Variants in PITPNM3 observed in about 807,000 individuals in gnomAD.
PITPNM3 encodes PITPNM family member 3.
A neutral mutation model predicts 102.0 loss-of-function variants in PITPNM3; 26 were observed. The ratio of observed to expected loss-of-function variants is 0.25; its 90% CI spans 0.19 to 0.35. The LOEUF (loss-of-function observed/expected upper bound fraction) is 0.35. PITPNM3 is among the 10% of genes least tolerant of loss of function. PITPNM3 has a pLI of 1.00. For synonymous variants in PITPNM3, 578 were observed against 558.6 expected (o/e 1.03, Z -0.49); for missense variants, 1,083 against 1,346.1 (o/e 0.80, Z 3.06).
intron 4 of PITPNM3, among the ~76,000 whole-genome samples, chr17:6,496,918 A>T (rs993894693): frequency 6.6e-6 from 1 of 152,166 alleles, no homozygotes; most frequent in Non-Finnish European, 1.5e-5. Flanking sequence ...GCTAATGCAC[A>T]TCCTCATGAA....
chr17:6,454,252 T>A lies in PITPNM3; in HGVS notation c.*1086A>T, dbSNP rs564527328. The A allele has an allele frequency of 6.6e-6, 1 of 152,266 alleles. No individual in the cohort carries two copies. Among genetic ancestry groups the A allele is most frequent in the South Asian group, 2.1e-4 (1 of 4,820 alleles). 9.4% of individuals were successfully genotyped at this position (152,266 alleles called of 1,614,324 possible). A position where few individuals can be genotyped will look rare whatever the true frequency, so the allele number is the denominator to read the frequency against. On this transcript the variant is annotated 3_prime_UTR_variant, in exon 20 of 20. Transcript: ENST00000262483. Reference sequence around the variant, plus strand: ...TGGGTTGTCCCTAGGACACCCAGTTTGAGTGGGTTGTCCCTGGGACACGCA... The same window carrying A: ...TGGGTTGTCCCTAGGACACCCAGTTAGAGTGGGTTGTCCCTGGGACACGCA...
Position 6,472,911 on chromosome 17 carries a change from G to A in PITPNM3, c.1259-84C>T. On this transcript the variant is annotated intron_variant, in intron 10 of 19. Transcript: ENST00000262483. The surrounding 1 kb of genome is among the most constrained non-coding windows in gnomAD (Gnocchi z 4.1). ...AGGAGGCTCCCTGGAATGCAGCCTGGAGTAGCCTACTCCCCTCTCAAGAGC... is the reference window on the plus strand; with the variant it reads ...AGGAGGCTCCCTGGAATGCAGCCTGAAGTAGCCTACTCCCCTCTCAAGAGC... The A allele has an allele frequency of 6.6e-7, 1 of 1,507,912 alleles. No individual in the cohort carries two copies. Among genetic ancestry groups the A allele is most frequent in the South Asian group, 1.2e-5 (1 of 85,070 alleles). 93.4% of individuals were successfully genotyped at this position (1,507,912 alleles called of 1,614,324 possible).
At position 6,457,479 on chromosome 17, in the gene PITPNM3, T is replaced by G; in HGVS notation, c.2619+115A>C. On this transcript the variant is annotated intron_variant, in intron 19 of 19. Coordinates refer to ENST00000262483, the MANE Select transcript of PITPNM3 (RefSeq NM_031220.4). This position sits in a 1 kb window ranked among gnomAD's most constrained non-coding sequence, Gnocchi z 4.7. ...CCGAAGTGTTTGTTGAATAAATGAA[T>G]GAGCAAATGGGGGAATGAACAAATG... 1 of 1,523,306 alleles carries G rather than the reference T, an allele frequency of 6.6e-7. No homozygotes were observed. The highest frequency in any genetic ancestry group is 1.2e-5 in the South Asian group (1 of 83,424). 94.4% of individuals were successfully genotyped at this position (1,523,306 alleles called of 1,614,324 possible). A position where few individuals can be genotyped will look rare whatever the true frequency, so the allele number is the denominator to read the frequency against.
Position 6,463,847 on chromosome 17 carries a change from C to A in PITPNM3, c.2191G>T (p.Val731Leu). Residue 731 changes from valine (V) to leucine (L), a missense_variant, in exon 17 of 20, where the codon GTG becomes TTG. Transcript: ENST00000262483. ...ACACACTCCATGCCCCTGGGCAACACCGTGAGGTAGCTCATGGCACAGGTC... is the reference window on the plus strand; with the variant it reads ...ACACACTCCATGCCCCTGGGCAACAACGTGAGGTAGCTCATGGCACAGGTC... ...DQTCAMSYLTVLPRGMECVVF... is the reference protein window; with the variant it reads ...DQTCAMSYLTLLPRGMECVVF... The A allele has an allele frequency of 1.2e-6, 2 of 1,614,096 alleles. No individual in the cohort carries two copies. Among genetic ancestry groups the A allele is most frequent in the Non-Finnish European group, 8.5e-7 (1 of 1,180,012 alleles).
intron 9 of PITPNM3, among the ~76,000 whole-genome samples, chr17:6,475,569 C>T (rs1905266843): frequency 6.6e-6 from 1 of 152,224 alleles, no homozygotes; most frequent in African/African-American, 2.4e-5. Context: ...TCCCTCCTGC[C>T]TCTTGCAGTG....
At chr17:6,484,524 C>G (rs770729614) in intron 4 of PITPNM3, among the ~76,000 whole-genome samples, 3 of 152,200 alleles carry the variant, frequency 2.0e-5, no homozygotes, top group Non-Finnish European at 4.4e-5. Flanking sequence ...GTGAGGCCAT[C>G]GCGGATGGTG....
rs1904345985 is a variant in PITPNM3, at chr17:6,459,400, C to G, written c.2491-1678G>C. 6.6e-6 allele frequency among the ~76,000 whole-genome samples: 1 copy of G among 151,996 alleles called. No individual in the cohort carries two copies. The highest frequency in any genetic ancestry group is 2.1e-4 in the South Asian group (1 of 4,804). ...CCTCACTCTCCTCCTGGTTCCTCAG[C>G]TGCTCCTTGTGCTGCTCTCAGTGGC... is the stretch of plus-strand genomic sequence containing the variant. On this transcript the variant is annotated intron_variant, in intron 18 of 19. Coordinates refer to ENST00000262483, the MANE Select transcript of PITPNM3 (RefSeq NM_031220.4). This position sits in a 1 kb window ranked among gnomAD's most constrained non-coding sequence, Gnocchi z 5.0.
chr17:6,500,419 G>A (rs750656963), intron 4 of PITPNM3, among the ~76,000 whole-genome samples: 5 of 152,044 alleles, frequency 3.3e-5, no homozygotes, highest in African/African-American at 7.3e-5. Context: ...ACCATCGATC[G>A]TCACCATCAT....
chr17:6,475,015 G>A (rs1905239430), intron 9 of PITPNM3, among the ~76,000 whole-genome samples: 1 of 152,168 alleles, frequency 6.6e-6, no homozygotes, highest in Non-Finnish European at 1.5e-5. Flanking sequence ...CTACACACTG[G>A]CAGGCCTGCC....
At chr17:6,461,078 A>C (rs1302165407) in intron 18 of PITPNM3, 7 of 481,560 alleles carry the variant, frequency 1.5e-5, no homozygotes, top group African/African-American at 1.4e-4. Context: ...CACAATCGGC[A>C]CTTAAATGTC....
rs192088997 is a variant in PITPNM3 at position 6,466,178 on chromosome 17, T to G, written c.1891-1407A>C. On this transcript the variant is annotated intron_variant, in intron 14 of 19. Coordinates refer to ENST00000262483, the MANE Select transcript of PITPNM3 (RefSeq NM_031220.4). Reference sequence around the variant, plus strand: ...GCTGTCCCGCCCCCCACACTGGCTCTAGGTGCCATCCCTGGCCCTGGCCCT... The same window carrying G: ...GCTGTCCCGCCCCCCACACTGGCTCGAGGTGCCATCCCTGGCCCTGGCCCT... 1.0e-3 allele frequency among the ~76,000 whole-genome samples: 158 copies of G among 152,336 alleles called. 1 individual carries two copies. The highest frequency in any genetic ancestry group is 3.3e-3 in the African/African-American group (137 of 41,580).
At chr17:6,464,446 T>A in intron 15 of PITPNM3, 128 bp from the exon 16 acceptor site, 1 of 1,143,114 alleles carries the variant, frequency 8.7e-7, no homozygotes, top group Non-Finnish European at 1.3e-6. Context: ...CCAGCCTGGC[T>A]CCTCATTTGT....
chr17:6,481,985 CCTCTCTCTCTCTCTCTCT>C lies in PITPNM3; in HGVS notation c.587+1514_587+1531del, dbSNP rs773528111. On this transcript the variant is annotated intron_variant, in intron 6 of 19. Coordinates refer to ENST00000262483, the MANE Select transcript of PITPNM3 (RefSeq NM_031220.4). Reference sequence around the variant, plus strand: ...GGCACTTAGCCCTAGGAAAACAGAACCTCTCTCTCTCTCTCTCTCTCTCTCTCTCTCTCTCTCTCTCTC... The same window carrying C: ...GGCACTTAGCCCTAGGAAAACAGAACCTCTCTCTCTCTCTCTCTCTCTCTC... 9.9e-3 allele frequency among the ~76,000 whole-genome samples: 557 copies of C among 56,144 alleles called. 11 individuals carry two copies. The highest frequency in any genetic ancestry group is 0.061 in the East Asian group (120 of 1,958). 36.8% of individuals were successfully genotyped at this position (56,144 alleles called of 152,430 possible). A position where few individuals can be genotyped will look rare whatever the true frequency, so the allele number is the denominator to read the frequency against.
chr17:6,506,665 C>T (rs371498536), intron 3 of PITPNM3, among the ~76,000 whole-genome samples: 10 of 152,288 alleles, frequency 6.6e-5, no homozygotes, highest in East Asian at 1.9e-4. Flanking sequence ...CCACCGCGCC[C>T]GGCCAGTGTT....
rs1033001982 is a variant in PITPNM3 at position 6,503,528 on chromosome 17, C to T, written c.273G>A (p.Gln91=). ...CCCACAGGGTCAGGCTTGACTCACG[C>T]TGCTTCTCCTGGAGGATGCTGGATG... ...PCTSSILQEK[Q]RELYRVSLRR... Residue 91 remains glutamine (Q), a splice_region_variant and synonymous_variant, in exon 4 of 20, where the codon CAG becomes CAA. Coordinates refer to ENST00000262483, the MANE Select transcript of PITPNM3 (RefSeq NM_031220.4). The T allele has an allele frequency of 1.9e-6, 3 of 1,612,712 alleles. No individual in the cohort carries two copies. Among genetic ancestry groups the T allele is most frequent in the Non-Finnish European group, 2.5e-6 (3 of 1,180,016 alleles).
Position 6,457,453 on chromosome 17 carries a change from C to T in PITPNM3, c.2619+141G>A, listed in dbSNP as rs1914161189. ...ACAGGCCCTGGCCCAAGGCAGGCAC[C>T]CCGAAGTGTTTGTTGAATAAATGAA... On this transcript the variant is annotated intron_variant, in intron 19 of 19. Coordinates refer to ENST00000262483, the MANE Select transcript of PITPNM3 (RefSeq NM_031220.4). The surrounding 1 kb of genome is among the most constrained non-coding windows in gnomAD (Gnocchi z 4.7). 1 of 1,392,510 alleles carries T rather than the reference C, an allele frequency of 7.2e-7. No individual in the cohort carries two copies. Among genetic ancestry groups the T allele is most frequent in the Non-Finnish European group, 9.7e-7 (1 of 1,025,698 alleles). The allele number at this position is 1,392,510 out of a possible 1,614,324, so 86.3% of individuals were successfully genotyped here. A position where few individuals can be genotyped will look rare whatever the true frequency, so the allele number is the denominator to read the frequency against.
chr17:6,542,671 C>T (rs1051852871), intron 1 of PITPNM3, among the ~76,000 whole-genome samples: 1 of 152,120 alleles, frequency 6.6e-6, no homozygotes, highest in African/African-American at 2.4e-5. Context: ...GACATCAGCC[C>T]CCAGAGCGTC....
intron 3 of PITPNM3, among the ~76,000 whole-genome samples, chr17:6,516,082 A>G (rs1054596307): frequency 3.9e-5 from 6 of 152,204 alleles, no homozygotes; most frequent in Non-Finnish European, 8.8e-5. Flanking sequence ...CTGAGGCAGG[A>G]GAATGAGACC....
At chr17:6,525,070 G>A (rs1908748196) in intron 3 of PITPNM3, among the ~76,000 whole-genome samples, 1 of 152,172 alleles carries the variant, frequency 6.6e-6, no homozygotes, top group Admixed American at 6.5e-5. Context: ...CAAGGAGCTT[G>A]GACCCAGGCA....
Sources: gnomAD v4.1 joint callset for allele counts (sites outside exome capture counted in the v4.1 genomes callset) on GRCh38, gnomAD v4.1.1 for gene constraint, Gnocchi (gnomAD v3.1) non-coding constraint, MANE v1.5 for transcripts, NCBI Gene and HGNC (gene_info 2026-07-23, HGNC 2026-07-21) for gene names.